ZBTB16: variants seen among roughly 807,000 people sequenced by gnomAD.
ZBTB16 encodes the protein zinc finger and BTB domain-containing protein 16.
A neutral mutation model predicts 56.8 loss-of-function variants in ZBTB16; 8 were observed. That is an observed-to-expected ratio of 0.14 (90% CI 0.08 to 0.25). ZBTB16 has a LOEUF of 0.25. Among genes scored for constraint, ZBTB16 ranks in the 10% least tolerant of loss-of-function variants. The probability of loss-of-function intolerance (pLI) is 1.00; values close to 1 mark genes in which losing one functional copy is unlikely to be tolerated. For missense variants in ZBTB16, 625 were observed against 903.0 expected, an observed-to-expected ratio of 0.69 and a Z score of 3.95; for synonymous variants, 363 against 368.5, an observed-to-expected ratio of 0.98 and a Z score of 0.17.
intron 3 of ZBTB16, among the ~76,000 whole-genome samples, chr11:114,159,942 G>GC (rs1555145911): frequency 6.8e-6 from 1 of 148,012 alleles, no homozygotes; most frequent in Non-Finnish European, 1.5e-5. Flanking sequence ...GGAGGCGGGG[G>GC]GGAGGCGAGC....
intron 4 of ZBTB16, among the ~76,000 whole-genome samples, chr11:114,224,481 G>C (rs980734210): frequency 6.6e-6 from 1 of 152,186 alleles, no homozygotes; most frequent in African/African-American, 2.4e-5. Flanking sequence ...ACATCCAAAG[G>C]TAGGGTGTGC....
chr11:114,247,076 T>C (rs568902086), intron 5 of ZBTB16, 122 bp from the exon 6 acceptor site: 3 of 1,296,400 alleles, frequency 2.3e-6, no homozygotes, highest in South Asian at 2.4e-5. Flanking sequence ...GATCCTTAAG[T>C]TGTCTTTGGA....
Position 114,253,246 on chromosome 11 carries a change from C to T in ZBTB16, c.*2691C>T, listed in dbSNP as rs1187260286. ...TAGAACTAGCTGGCCCCCTCACTCCCATGCCCTTCCCACTCAGCCTGGGCC... is the reference window on the plus strand; with the variant it reads ...TAGAACTAGCTGGCCCCCTCACTCCTATGCCCTTCCCACTCAGCCTGGGCC... On this transcript the variant is annotated 3_prime_UTR_variant, in exon 7 of 7. Transcript: ENST00000335953. Among the ~76,000 whole-genome samples the T allele has an allele frequency of 1.3e-5, 2 of 152,196 alleles. No homozygotes were observed. The highest frequency in any genetic ancestry group is 2.9e-5 in the Non-Finnish European group (2 of 68,016).
At chr11:114,235,629 C>CCTTCCTTTCTTTCTTCCTTT (rs767837990) in intron 4 of ZBTB16, among the ~76,000 whole-genome samples, 1 of 97,794 alleles carries the variant, frequency 1.0e-5, no homozygotes, top group African/African-American at 4.2e-5. Context: ...CCTCTCCCTT[C>CCTTCCTTTCTTTCTTCCTTT]CTTTCTTTCT....
chr11:114,141,136 C>A (rs1941933994), intron 2 of ZBTB16, among the ~76,000 whole-genome samples: 1 of 152,218 alleles, frequency 6.6e-6, no homozygotes, highest in South Asian at 2.1e-4. Context: ...TGAAGGCTTG[C>A]CCGGCGGGGT....
chr11:114,245,577 G>T (rs546971821), intron 5 of ZBTB16, among the ~76,000 whole-genome samples: 4 of 152,140 alleles, frequency 2.6e-5, no homozygotes, highest in Non-Finnish European at 5.9e-5. Context: ...TTAGTGGCCC[G>T]AGGAGGGGAG....
chr11:114,156,017 G>C (rs1328848317), intron 2 of ZBTB16, among the ~76,000 whole-genome samples: 1 of 152,198 alleles, frequency 6.6e-6, no homozygotes. Flanking sequence ...TTGACAGTGA[G>C]CATTATGTCT....
In ZBTB16 at chr11:114,060,009, T is replaced by A. The variant is rs1938756947; in HGVS notation, c.-91+127T>A. The A allele has an allele frequency of 2.6e-6, 1 of 388,056 alleles. No homozygotes were observed. The highest frequency in any genetic ancestry group is 4.5e-5 in the Admixed American group (1 of 22,340). The allele number at this position is 388,056 out of a possible 1,614,324, so 24.0% of individuals were successfully genotyped here. A position where few individuals can be genotyped will look rare whatever the true frequency, so the allele number is the denominator to read the frequency against. ...CTCGGCCGCTGGGCTTGTGCCTTTT[T>A]TATTTGGCGTGTTCCCTTCCTGCCG... On this transcript the variant is annotated intron_variant, in intron 1 of 6. Transcript: ENST00000335953. This position sits in a 1 kb window ranked among gnomAD's most constrained non-coding sequence, Gnocchi z 6.0.
At chr11:114,202,455 C>G (rs1268855335) in intron 4 of ZBTB16, among the ~76,000 whole-genome samples, 1 of 152,148 alleles carries the variant, frequency 6.6e-6, no homozygotes, top group Non-Finnish European at 1.5e-5. Flanking sequence ...CCTGCATTCC[C>G]AGGGCCTTCT....
At chr11:114,126,528 C>T (rs559031988) in intron 2 of ZBTB16, among the ~76,000 whole-genome samples, 4 of 152,204 alleles carry the variant, frequency 2.6e-5, no homozygotes, top group African/African-American at 9.6e-5. Context: ...GGTAGTGAGG[C>T]CCTTCACATC....
chr11:114,131,666 TC>T (rs36000778), intron 2 of ZBTB16, among the ~76,000 whole-genome samples: 2 of 151,872 alleles, frequency 1.3e-5, no homozygotes, highest in East Asian at 1.9e-4. Flanking sequence ...GGGACATAGC[TC>T]CCCCCCTTTT....
At chr11:114,187,183 C>A in intron 4 of ZBTB16, 145 bp downstream of exon 4, 1 of 771,628 alleles carries the variant, frequency 1.3e-6, no homozygotes, top group African/African-American at 1.7e-5. Context: ...GGGCTTCTGC[C>A]ACGTTCAGCT....
In ZBTB16 at chr11:114,063,939, C is replaced by T; in HGVS notation, c.639C>T (p.Leu213=). ...VDSLMTIGQS[L]LQGTLQPPAG... is the part of the protein sequence containing the mutation. ...GTTTGATGACCATAGGACAGTCTCT[C>T]CTGCAGGGAACTCTTCAGCCACCTG... is the stretch of plus-strand genomic sequence containing the variant. The change falls in exon 2 of 7, where the codon CTC becomes CTT. Residue 213 remains leucine (L), a synonymous_variant. Transcript: ENST00000335953. This position sits in a 1 kb window ranked among gnomAD's most constrained non-coding sequence, Gnocchi z 6.5. The T allele has an allele frequency of 1.2e-6, 2 of 1,613,896 alleles. No individual in the cohort carries two copies. The highest frequency in any genetic ancestry group is 8.5e-7 in the Non-Finnish European group (1 of 1,180,030).
At position 114,064,610 on chromosome 11, in the gene ZBTB16, G is replaced by A; in HGVS notation, c.1268+42G>A. On this transcript the variant is annotated intron_variant, in intron 2 of 6. Coordinates refer to ENST00000335953, the MANE Select transcript of ZBTB16 (RefSeq NM_006006.6). The surrounding 1 kb of genome is among the most constrained non-coding windows in gnomAD (Gnocchi z 4.2). ...CCCCGCACCTGATGTAGGACTTGAGGCCCTCACACCCCTCCTTCACACCCT... is the reference window on the plus strand; with the variant it reads ...CCCCGCACCTGATGTAGGACTTGAGACCCTCACACCCCTCCTTCACACCCT... 4 of 1,608,112 alleles carry A rather than the reference G, an allele frequency of 2.5e-6. No individual in the cohort carries two copies. The highest frequency in any genetic ancestry group is 2.2e-5 in the East Asian group (1 of 44,798).
chr11:114,097,270 C>T (rs1940452146), intron 2 of ZBTB16, among the ~76,000 whole-genome samples: 2 of 152,036 alleles, frequency 1.3e-5, no homozygotes, highest in Admixed American at 1.3e-4. Context: ...TGTAGAAACA[C>T]GAACTAGAAT....
chr11:114,159,073 G>A (rs1395492772), intron 3 of ZBTB16, among the ~76,000 whole-genome samples: 1 of 152,350 alleles, frequency 6.6e-6, no homozygotes, highest in East Asian at 1.9e-4. Context: ...TGGTGGGGCT[G>A]GTGGAAGCGG....
intron 2 of ZBTB16, among the ~76,000 whole-genome samples, chr11:114,112,100 T>C (rs1941022552): frequency 6.6e-6 from 1 of 152,246 alleles, no homozygotes; most frequent in Admixed American, 6.5e-5. Flanking sequence ...TAAATTTGAC[T>C]ACATCAAAAA....
chr11:114,206,039 G>T (rs1366774186), intron 4 of ZBTB16, among the ~76,000 whole-genome samples: 1 of 152,116 alleles, frequency 6.6e-6, no homozygotes, highest in Non-Finnish European at 1.5e-5. Context: ...GACACCCACT[G>T]GGCCCCAAAT....
chr11:114,141,582 C>G (rs1941946434), intron 2 of ZBTB16, among the ~76,000 whole-genome samples: 1 of 152,238 alleles, frequency 6.6e-6, no homozygotes, highest in African/African-American at 2.4e-5. Flanking sequence ...TGTACCTTCG[C>G]AGGTAACAGT....
Sources: allele counts gnomAD v4.1 joint callset (sites outside exome capture counted in the v4.1 genomes callset), GRCh38; gene constraint gnomAD v4.1.1; non-coding constraint Gnocchi (gnomAD v3.1); transcripts MANE v1.5; gene names NCBI Gene and HGNC (gene_info 2026-07-23, HGNC 2026-07-21).